The following M6PR variants were observed in gnomAD, a reference collection of about 807,000 sequenced individuals.
The protein encoded by M6PR is mannose-6-phosphate receptor, cation dependent.
In M6PR, 19 loss-of-function variants were observed where a neutral mutation model predicts 33.1. That is an observed-to-expected ratio of 0.57 (90% CI 0.40 to 0.84). The LOEUF is 0.84. M6PR is among the 40% of genes least tolerant of loss of function. M6PR has a pLI of 0.00. For synonymous variants in M6PR, 111 were observed against 123.4 expected, an observed-to-expected ratio of 0.90 and a Z score of 0.67; for missense variants, 295 against 336.0, an observed-to-expected ratio of 0.88 and a Z score of 0.95.
chr12:8,947,955 G>T (rs929172900), intron 1 of M6PR, among the ~76,000 whole-genome samples: 2 of 151,896 alleles, frequency 1.3e-5, no homozygotes, highest in Admixed American at 6.6e-5. Flanking sequence ...TTAACCCACT[G>T]CTCAACACAC....
rs757392152 is a variant in M6PR, at chr12:8,942,401, T to C, written c.711+15A>G. ...TTTGCAGGCTACAAATTCAACCAGC[T>C]GCCCTGTTACTTACTGCTACCAGGT... On this transcript the variant is annotated intron_variant, in intron 6 of 6. Transcript: ENST00000000412. 6.2e-7 allele frequency: 1 copy of C among 1,614,190 alleles called. No individual in the cohort carries two copies. Among genetic ancestry groups the C allele is most frequent in the Non-Finnish European group, 8.5e-7 (1 of 1,180,026 alleles).
rs752870627 is a variant in M6PR at position 8,943,814 on chromosome 12, C to T, written c.440G>A (p.Arg147Gln). 5 of 1,612,566 alleles carry T rather than the reference C, an allele frequency of 3.1e-6. No individual in the cohort carries two copies. The highest frequency in any genetic ancestry group is 3.3e-5 in the Admixed American group (2 of 60,006). ...RRAVVMISCN[R>Q]HTLADNFNPV... ...AGGGTGCCTCACCGCTAGGGTGTGT[C>T]GATTGCAGGAGATCATCACCACTGC... Residue 147 changes from arginine (R) to glutamine (Q), a missense_variant, in exon 4 of 7, where the codon CGA becomes CAA. Physicochemically the swap from Arg to Gln is conservative, Grantham distance 43 (BLOSUM62 1). Transcript: ENST00000000412.
In M6PR at chr12:8,948,250, T is replaced by C. The variant is rs143788284; in HGVS notation, c.-2+1238A>G. On this transcript the variant is annotated intron_variant, in intron 1 of 6. Transcript: ENST00000000412. ...TTCCTGCTTAAGGCTTGTCTTTAAA[T>C]TTAAGCTGCTTCTCTTTAATTCAGT... is the stretch of plus-strand genomic sequence containing the variant. 2.8e-3 allele frequency among the ~76,000 whole-genome samples: 429 copies of C among 152,352 alleles called. 2 individuals carry two copies. The highest frequency in any genetic ancestry group is 9.7e-3 in the African/African-American group (402 of 41,580).
At chr12:8,942,272 A>G (rs906050556) in intron 6 of M6PR, 144 bp downstream of exon 6, 2 of 1,089,106 alleles carry the variant, frequency 1.8e-6, no homozygotes, top group African/African-American at 1.6e-5. Flanking sequence ...TACTAGGGCA[A>G]CTGTCTTGTT....
chr12:8,946,684 AATG>A (rs1353594244), intron 1 of M6PR: 33 of 290,506 alleles, frequency 1.1e-4, no homozygotes, highest in Non-Finnish European at 2.1e-4. Context: ...CTTAAAAAAG[AATG>A]ATGACAGCTT....
intron 1 of M6PR, among the ~76,000 whole-genome samples, chr12:8,947,878 C>T (rs1216608387): frequency 6.6e-6 from 1 of 151,468 alleles, no homozygotes; most frequent in Non-Finnish European, 1.5e-5. Flanking sequence ...GAAGTGATTC[C>T]TCACACAGTT....
chr12:8,946,333 G>C lies in M6PR; in HGVS notation c.72C>G (p.Ser24=). 6.2e-7 allele frequency: 1 copy of C among 1,614,070 alleles called. No homozygotes were observed. The change falls in exon 2 of 7, where the codon TCC becomes TCG. Residue 24 remains serine, a synonymous_variant. Coordinates refer to ENST00000000412, the MANE Select transcript of M6PR (RefSeq NM_002355.4). ...CGCAAGTTTTTTCTTCTGTCTGCCA[G>C]GATTCTCTCACTGCCACAGCCAGGA... The part of the protein sequence containing the change: ...LLLLAVAVRE[S]WQTEEKTCDL...
intron 6 of M6PR, 55 bp from the exon 7 acceptor site, chr12:8,941,995 G>A (rs1946018653): frequency 6.3e-7 from 1 of 1,594,494 alleles, no homozygotes; most frequent in South Asian, 1.1e-5. Context: ...TTTAGGATAT[G>A]AGAAAGTGTA....
intron 6 of M6PR, 172 bp downstream of exon 6, chr12:8,942,244 G>T: frequency 2.5e-6 from 2 of 812,754 alleles, no homozygotes; most frequent in South Asian, 1.8e-5. Flanking sequence ...AATGGATGCT[G>T]TGCCACTTAC....
rs138519861 is a variant in M6PR, at chr12:8,945,042, C to T, written c.343+376G>A. 7.7e-3 allele frequency among the ~76,000 whole-genome samples: 1,170 copies of T among 152,288 alleles called. 7 individuals carry two copies. Among genetic ancestry groups the T allele is most frequent in the Non-Finnish European group, 0.011 (781 of 68,024 alleles). ...GCATGATGGCACACACCTGTAGTCC[C>T]AGCTACTCAGGAGGCTGAGGCTGGA... On this transcript the variant is annotated intron_variant, in intron 3 of 6. Transcript: ENST00000000412.
chr12:8,945,590 AAG>A lies in M6PR; in HGVS notation c.177-8_177-7del. On this transcript the variant is annotated splice_region_variant and splice_polypyrimidine_tract_variant and intron_variant, in intron 2 of 6. Transcript: ENST00000000412. ...GGCCCACAGTGCTCTCAAAGCTGTA[AAG>A]AGAAGTGGGAAGAAAGAAGAGGAGA... is the stretch of plus-strand genomic sequence containing the variant. The A allele has an allele frequency of 6.2e-7, 1 of 1,612,884 alleles. No homozygotes were observed. Among genetic ancestry groups the A allele is most frequent in the Admixed American group, 1.7e-5 (1 of 59,926 alleles).
At chr12:8,947,499 CA>C (rs1411781250) in intron 1 of M6PR, among the ~76,000 whole-genome samples, 3 of 152,098 alleles carry the variant, frequency 2.0e-5, no homozygotes, top group African/African-American at 7.2e-5. Context: ...TGGTAGTTTC[CA>C]TAGAATAATC....
In M6PR at chr12:8,941,929, G is replaced by C. The variant is rs1946016126; in HGVS notation, c.723C>G (p.Asp241Glu). Residue 241 changes from aspartate (D) to glutamate (E), a missense_variant, in exon 7 of 7, where the codon GAC becomes GAG. By Grantham distance (45) the Asp-to-Glu change is conservative. Transcript: ENST00000000412. ...DLGNLVADGC[D>E]FVCRSKPRNV... ...TTCGAGGTTTAGAACGGCAGACAAAGTCACAGCCATCCTGTAGGGGGAAAA... is the reference window on the plus strand; with the variant it reads ...TTCGAGGTTTAGAACGGCAGACAAACTCACAGCCATCCTGTAGGGGGAAAA... The C allele has an allele frequency of 5.0e-6, 8 of 1,613,990 alleles. No individual in the cohort carries two copies. Among genetic ancestry groups the C allele is most frequent in the South Asian group, 2.2e-5 (2 of 91,082 alleles).
chr12:8,942,010 T>A (rs755352082), intron 6 of M6PR, 70 bp from the exon 7 acceptor site: 1 of 1,561,776 alleles, frequency 6.4e-7, no homozygotes, highest in African/African-American at 1.4e-5. Context: ...AGTGTACTTA[T>A]GGTCTAGGAA....
At chr12:8,948,658 C>T (rs553013258) in intron 1 of M6PR, among the ~76,000 whole-genome samples, 19 of 152,182 alleles carry the variant, frequency 1.2e-4, no homozygotes, top group Non-Finnish European at 2.4e-4. Context: ...TTTTCTTATT[C>T]TCTAACGACA....
In M6PR at chr12:8,946,227, A is replaced by G. The variant is rs1440622216; in HGVS notation, c.176+2T>C. The G allele has an allele frequency of 6.2e-7, 1 of 1,612,532 alleles. No individual in the cohort carries two copies. Among genetic ancestry groups the G allele is most frequent in the Non-Finnish European group, 8.5e-7 (1 of 1,179,118 alleles). The stretch of plus-strand genomic sequence containing the variant: ...AAGCTCTTTAAGGTTCTTCTCATTT[A>G]CCTTTTATTAAACAGTGGTTTCAGC... On this transcript the variant is annotated splice_donor_variant, in intron 2 of 6. Coordinates refer to ENST00000000412, the MANE Select transcript of M6PR (RefSeq NM_002355.4). LOFTEE classifies it high-confidence loss of function.
chr12:8,942,318 T>G, intron 6 of M6PR, 98 bp downstream of exon 6: 3 of 1,553,018 alleles, frequency 1.9e-6, no homozygotes, highest in African/African-American at 2.7e-5. Flanking sequence ...CTCAATGTCC[T>G]GTGTCCCAGG....
At chr12:8,947,835 G>GT (rs1946120678) in intron 1 of M6PR, among the ~76,000 whole-genome samples, 1 of 126,738 alleles carries the variant, frequency 7.9e-6, no homozygotes, top group African/African-American at 2.9e-5. Flanking sequence ...CAAAACTGTG[G>GT]GTTTTTTTTT....
chr12:8,946,518 CAAG>C, intron 1 of M6PR, 113 bp from the exon 2 acceptor site: 1 of 811,842 alleles, frequency 1.2e-6, no homozygotes, highest in East Asian at 2.6e-5. Flanking sequence ...CCAGAAAGTA[CAAG>C]ATTCTCTGGC....
Sources: gnomAD v4.1 joint callset for allele counts (sites outside exome capture counted in the v4.1 genomes callset) on GRCh38, gnomAD v4.1.1 for gene constraint, MANE v1.5 for transcripts, NCBI Gene and HGNC (gene_info 2026-07-23, HGNC 2026-07-21) for gene names.